Variants in CACNA2D3 observed in about 807,000 individuals in gnomAD.
The protein encoded by CACNA2D3 is voltage-dependent calcium channel subunit alpha-2/delta-3.
Under a neutral mutation model 160.6 loss-of-function variants are expected in CACNA2D3, and 60 were observed. The ratio of observed to expected loss-of-function variants is 0.37; its 90% CI spans 0.30 to 0.46. The LOEUF is 0.46. Among genes scored for constraint, CACNA2D3 ranks in the 20% least tolerant of loss-of-function variants. The pLI is 1.00. For missense variants in CACNA2D3, 1,205 were observed against 1,365.0 expected (o/e 0.88, Z 1.85); for synonymous variants, 558 against 492.9 (o/e 1.13, Z -1.75).
At chr3:54,431,803 C>G (rs536170762) in intron 4 of CACNA2D3, among the ~76,000 whole-genome samples, 1 of 152,190 alleles carries the variant, frequency 6.6e-6, no homozygotes, top group South Asian at 2.1e-4. Context: ...GACGGGGTTT[C>G]AGCTGTGTTG....
intron 2 of CACNA2D3, among the ~76,000 whole-genome samples, chr3:54,173,154 G>C (rs1412269991): frequency 6.6e-6 from 1 of 152,196 alleles, no homozygotes; most frequent in Admixed American, 6.5e-5. Context: ...CAATATGAAA[G>C]CTCCATGAAG....
At chr3:55,033,490 T>C (rs1703720920) in intron 35 of CACNA2D3, among the ~76,000 whole-genome samples, 1 of 150,556 alleles carries the variant, frequency 6.6e-6, no homozygotes, top group Admixed American at 6.7e-5. Flanking sequence ...TTGCAACTCA[T>C]TTTTTTATAC....
In CACNA2D3 at chr3:54,562,830, C is replaced by A; in HGVS notation, c.575C>A (p.Ser192Tyr). 6.2e-7 allele frequency: 1 copy of A among 1,612,538 alleles called. No homozygotes were observed. The highest frequency in any genetic ancestry group is 1.1e-5 in the South Asian group (1 of 90,980). The change falls in exon 6 of 38, where the codon TCT becomes TAT. Residue 192 changes from serine to tyrosine, a missense_variant. Physicochemically the swap from Ser to Tyr is moderately radical, Grantham distance 144. Around this residue, in one of 3 missense-constraint regions of CACNA2D3, gnomAD observed 131 missense variants for 201.5 expected, o/e 0.65. Coordinates refer to ENST00000474759, the MANE Select transcript of CACNA2D3 (RefSeq NM_018398.3). ...DPAIVNGVYW[S>Y]ESLNKVFVDN... ...GCAATTGTCAATGGGGTTTATTGGT[C>A]TGAATCTCTAAACAAAGTTTTTGTA...
At chr3:55,067,103 G>GGC (rs770618246) in intron 35 of CACNA2D3, among the ~76,000 whole-genome samples, 37 of 151,498 alleles carry the variant, frequency 2.4e-4, no homozygotes, top group Non-Finnish European at 5.0e-4. Context: ...TTTTGTAGCG[G>GGC]GGGGGGCTTT....
Position 54,831,445 on chromosome 3 carries a change from G to C in CACNA2D3, c.1399-5714G>C, listed in dbSNP as rs2694127. On this transcript the variant is annotated intron_variant, in intron 14 of 37. Transcript: ENST00000474759. Reference sequence around the variant, plus strand: ...AGTTATGAAGAAGGCAACCCAAACAGATGTCCTTCAAAGGTGGAGGCTGCC... The same window carrying C: ...AGTTATGAAGAAGGCAACCCAAACACATGTCCTTCAAAGGTGGAGGCTGCC... Among the ~76,000 whole-genome samples, 812 of 152,338 alleles carry C rather than the reference G, an allele frequency of 5.3e-3. 9 individuals carry two copies. The highest frequency in any genetic ancestry group is 0.017 in the African/African-American group (721 of 41,582).
intron 2 of CACNA2D3, among the ~76,000 whole-genome samples, chr3:54,273,457 T>C (rs1424658769): frequency 6.6e-6 from 1 of 152,226 alleles, no homozygotes; most frequent in Non-Finnish European, 1.5e-5. Context: ...ATTTCTTTAA[T>C]GCCCCAATCA....
At chr3:54,204,796 G>GGA (rs1559881510) in intron 2 of CACNA2D3, among the ~76,000 whole-genome samples, 2 of 74,052 alleles carry the variant, frequency 2.7e-5, no homozygotes, top group Non-Finnish European at 5.9e-5. Context: ...ATGCTGTCTT[G>GGA]AAAAAAAAAA....
chr3:54,377,086 C>T (rs1227453188), intron 3 of CACNA2D3, among the ~76,000 whole-genome samples: 1 of 152,222 alleles, frequency 6.6e-6, no homozygotes, highest in African/African-American at 2.4e-5. Flanking sequence ...CCACACTCAC[C>T]ATCCTGTCCA....
rs548471733 is a variant in CACNA2D3 at position 55,060,560 on chromosome 3, T to C, written c.2988-12885T>C. On this transcript the variant is annotated intron_variant, in intron 35 of 37. Coordinates refer to ENST00000474759, the MANE Select transcript of CACNA2D3 (RefSeq NM_018398.3). ...TGGAGAAAATGATATTTCTTTGAGT[T>C]GGTGTGAAGATTAAAGGGGAACTGC... Among the ~76,000 whole-genome samples the C allele has an allele frequency of 2.1e-3, 323 of 152,296 alleles. 1 individual carries two copies. The highest frequency in any genetic ancestry group is 3.9e-3 in the Non-Finnish European group (264 of 68,018).
intron 3 of CACNA2D3, 112 bp from the exon 4 acceptor site, chr3:54,386,603 C>T: frequency 5.3e-6 from 5 of 941,118 alleles, no homozygotes; most frequent in Non-Finnish European, 7.8e-6. Context: ...GGCATCAGAT[C>T]ACAATGTATG....
chr3:54,445,077 G>A (rs985392465), intron 4 of CACNA2D3, among the ~76,000 whole-genome samples: 5 of 152,216 alleles, frequency 3.3e-5, no homozygotes, highest in Admixed American at 6.5e-5. Flanking sequence ...CAGGCAGGTA[G>A]CAGATGCATG....
At chr3:54,336,633 A>G (rs1349154555) in intron 3 of CACNA2D3, among the ~76,000 whole-genome samples, 1 of 152,152 alleles carries the variant, frequency 6.6e-6, no homozygotes, top group African/African-American at 2.4e-5. Context: ...TGATTCAAAG[A>G]AACATATTAA....
In CACNA2D3 at chr3:54,241,952, T is replaced by C. The variant is rs150150460; in HGVS notation, c.205-78490T>C. Among the ~76,000 whole-genome samples, 1,350 of 152,298 alleles carry C rather than the reference T, an allele frequency of 8.9e-3. 16 individuals are homozygous for C. Among genetic ancestry groups the C allele is most frequent in the African/African-American group, 0.03 (1,259 of 41,558 alleles). On this transcript the variant is annotated intron_variant, in intron 2 of 37. Coordinates refer to ENST00000474759, the MANE Select transcript of CACNA2D3 (RefSeq NM_018398.3). ...CATGAGGATTCAGTGAGAGTTTGTA[T>C]AGTAGTTCCTCTTTATCCAAAGGGA...
intron 4 of CACNA2D3, among the ~76,000 whole-genome samples, chr3:54,390,055 C>G (rs1699253404): frequency 6.6e-6 from 1 of 152,144 alleles, no homozygotes; most frequent in Non-Finnish European, 1.5e-5. Context: ...GAAGTGATGA[C>G]TGCTTTGTAA....
At chr3:54,990,965 G>C (rs1378758165) in intron 31 of CACNA2D3, among the ~76,000 whole-genome samples, 1 of 152,168 alleles carries the variant, frequency 6.6e-6, no homozygotes, top group African/African-American at 2.4e-5. Flanking sequence ...TCTTTGACCT[G>C]ACTCTAGCCA....
At chr3:54,409,280 G>A (rs2106722368) in intron 4 of CACNA2D3, among the ~76,000 whole-genome samples, 1 of 152,270 alleles carries the variant, frequency 6.6e-6, no homozygotes, top group Non-Finnish European at 1.5e-5. Flanking sequence ...TCTGTGATCA[G>A]TGATCTTTGG....
intron 27 of CACNA2D3, among the ~76,000 whole-genome samples, chr3:54,911,390 C>T (rs909221048): frequency 2.0e-5 from 2 of 98,122 alleles, no homozygotes; most frequent in Admixed American, 1.5e-4. Flanking sequence ...ATGGGGGTCA[C>T]ACGTTTTTCC....
At chr3:54,683,153 G>A (rs1015907720) in intron 11 of CACNA2D3, among the ~76,000 whole-genome samples, 1 of 152,184 alleles carries the variant, frequency 6.6e-6, no homozygotes, top group African/African-American at 2.4e-5. Flanking sequence ...CTTCTGAAAT[G>A]GAACACTCAG....
chr3:54,400,191 CCACT>C (rs1699426542), intron 4 of CACNA2D3, among the ~76,000 whole-genome samples: 1 of 147,536 alleles, frequency 6.8e-6, no homozygotes, highest in Non-Finnish European at 1.5e-5. Flanking sequence ...TGGCCTGCGC[CCACT>C]GTCTGGCACT....
Sources: allele counts gnomAD v4.1 joint callset (sites outside exome capture counted in the v4.1 genomes callset), GRCh38; gene constraint gnomAD v4.1.1; regional missense constraint gnomAD v4.1.1; transcripts MANE v1.5; gene names NCBI Gene and HGNC (gene_info 2026-07-23, HGNC 2026-07-21).